Variants in ATP6V0A4 observed in about 807,000 individuals in gnomAD.
ATP6V0A4 encodes the protein ATPase H+ transporting V0 subunit a4.
Under a neutral mutation model 107.3 loss-of-function variants are expected in ATP6V0A4, and 86 were observed. The observed-to-expected ratio is 0.80, with a 90% CI of 0.67 to 0.96. ATP6V0A4 has a LOEUF of 0.96. Ranked by LOEUF, ATP6V0A4 falls within the 40% of genes least tolerant of loss-of-function variation. The pLI, the probability that ATP6V0A4 is intolerant of heterozygous loss-of-function variation, is 0.00. For synonymous variants in ATP6V0A4, 353 were observed against 381.4 expected, an observed-to-expected ratio of 0.93 and a Z score of 0.87; for missense variants, 908 against 1,045.6, an observed-to-expected ratio of 0.87 and a Z score of 1.81.
intron 13 of ATP6V0A4, 58 bp downstream of exon 13, chr7:138,747,367 C>T (rs1806000929): frequency 1.3e-6 from 2 of 1,571,580 alleles, no homozygotes; most frequent in Non-Finnish European, 1.8e-6. Flanking sequence ...GTGAAAACCA[C>T]ATACAGATTT....
intron 5 of ATP6V0A4, among the ~76,000 whole-genome samples, chr7:138,765,464 AG>A (rs759881141): frequency 1.3e-5 from 2 of 152,244 alleles, no homozygotes; most frequent in Non-Finnish European, 2.9e-5. Flanking sequence ...CCTGAAAACA[AG>A]GAAAAGCCAG....
intron 15 of ATP6V0A4, among the ~76,000 whole-genome samples, chr7:138,735,185 C>A (rs1805252519): frequency 6.6e-6 from 1 of 152,104 alleles, no homozygotes; most frequent in Non-Finnish European, 1.5e-5. Flanking sequence ...GGGTCTCACA[C>A]TAGCTAAGGA....
chr7:138,797,849 G>A, intron 1 of ATP6V0A4, 185 bp downstream of exon 1: 1 of 688,964 alleles, frequency 1.5e-6, no homozygotes, highest in Non-Finnish European at 2.4e-6. Flanking sequence ...CAGGGGAGAA[G>A]GGCACAGCTT....
intron 15 of ATP6V0A4, among the ~76,000 whole-genome samples, chr7:138,737,569 TTTTC>T (rs1805404092): frequency 7.8e-6 from 1 of 127,460 alleles, no homozygotes; most frequent in Non-Finnish European, 1.6e-5. Flanking sequence ...CAACTCCCGC[TTTTC>T]TTTTTCTTTT....
chr7:138,797,159 C>T (rs191112160), intron 1 of ATP6V0A4, among the ~76,000 whole-genome samples: 85 of 151,972 alleles, frequency 5.6e-4, no homozygotes, highest in African/African-American at 2.0e-3. Context: ...CCCCTCTCCC[C>T]CTGTCAAAAT....
At chr7:138,769,376 G>T in intron 3 of ATP6V0A4, 125 bp from the exon 4 acceptor site, 1 of 1,411,364 alleles carries the variant, frequency 7.1e-7, no homozygotes, top group Non-Finnish European at 9.4e-7. Flanking sequence ...GGGCAATGGC[G>T]CGATCTCAGC....
chr7:138,745,559 C>G (rs1053544238), intron 13 of ATP6V0A4, among the ~76,000 whole-genome samples: 2 of 150,558 alleles, frequency 1.3e-5, no homozygotes, highest in African/African-American at 4.9e-5. Flanking sequence ...TGCCTGTAAT[C>G]CCAGCTACTT....
At chr7:138,714,280 C>T (rs889885482) in intron 20 of ATP6V0A4, among the ~76,000 whole-genome samples, 4 of 145,706 alleles carry the variant, frequency 2.7e-5, no homozygotes, top group Non-Finnish European at 4.5e-5. Flanking sequence ...GCATATGAAA[C>T]GGATGGGTCT....
chr7:138,756,337 A>G, intron 9 of ATP6V0A4, 121 bp downstream of exon 9: 1 of 1,518,700 alleles, frequency 6.6e-7, no homozygotes, highest in Non-Finnish European at 9.0e-7. Context: ...TTTATGTGAG[A>G]AAGTTATTCT....
chr7:138,766,036 G>A (rs1199650433), intron 5 of ATP6V0A4, among the ~76,000 whole-genome samples: 1 of 152,016 alleles, frequency 6.6e-6, no homozygotes, highest in Non-Finnish European at 1.5e-5. Flanking sequence ...ACAGGCATGA[G>A]CCACCATGGC....
In ATP6V0A4 at chr7:138,709,723, C is replaced by T. The variant is rs866846998; in HGVS notation, c.2330G>A (p.Gly777Glu). The change falls in exon 21 of 22, where the codon GGG (glycine) becomes GAG (glutamate). Residue 777 changes from glycine to glutamate, a missense_variant. Transcript: ENST00000310018. ...AAATACGGCAAAAATAATAAAAACC[C>T]CGACGATTCCTCCCCAGCCTCGCGT... is the stretch of plus-strand genomic sequence containing the variant. The part of the protein sequence containing the change: ...LQTRGWGGIV[G>E]VFIIFAVFAV... The T allele has an allele frequency of 6.2e-7, 1 of 1,613,992 alleles. No individual in the cohort carries two copies. The highest frequency in any genetic ancestry group is 1.1e-5 in the South Asian group (1 of 91,076).
intron 1 of ATP6V0A4, among the ~76,000 whole-genome samples, chr7:138,792,401 C>T (rs546614218): frequency 6.6e-6 from 1 of 152,242 alleles, no homozygotes; most frequent in Non-Finnish European, 1.5e-5. Flanking sequence ...AACATATATT[C>T]AGGGTAACTT....
intron 15 of ATP6V0A4, among the ~76,000 whole-genome samples, chr7:138,737,892 G>C (rs1336193076): frequency 1.3e-5 from 2 of 151,706 alleles, no homozygotes; most frequent in African/African-American, 4.8e-5. Flanking sequence ...CTCCCAAGTA[G>C]CTGGGACTAC....
intron 20 of ATP6V0A4, among the ~76,000 whole-genome samples, chr7:138,715,389 C>T (rs1304313423): frequency 1.3e-5 from 2 of 152,018 alleles, no homozygotes; most frequent in East Asian, 3.9e-4. Context: ...TCAGTAGAGA[C>T]GGGTTTCACC....
At chr7:138,732,851 TAAAA>T in intron 17 of ATP6V0A4, 22 bp downstream of exon 17, 1 of 1,398,122 alleles carries the variant, frequency 7.2e-7, no homozygotes, top group South Asian at 1.3e-5. Context: ...AAAAGAAGAG[TAAAA>T]AAAAAAAAAT....
At chr7:138,784,472 C>T (rs1203781074) in intron 2 of ATP6V0A4, among the ~76,000 whole-genome samples, 1 of 151,366 alleles carries the variant, frequency 6.6e-6, no homozygotes, top group Admixed American at 6.6e-5. Context: ...ACACCCACCA[C>T]CACACCCAGC....
In ATP6V0A4 at chr7:138,739,336, A is replaced by C. The variant is rs543211509; in HGVS notation, c.1572+204T>G. 4.6e-4 allele frequency among the ~76,000 whole-genome samples: 70 copies of C among 152,290 alleles called. 1 individual carries two copies. Among genetic ancestry groups the C allele is most frequent in the African/African-American group, 1.7e-3 (69 of 41,556 alleles). ...AAGAGGCAGACGTTTGGGGGACTGT[A>C]TGGAAAATGGGGCTGGGTAGAAGGT... On this transcript the variant is annotated intron_variant, in intron 15 of 21. Coordinates refer to ENST00000310018, the MANE Select transcript of ATP6V0A4 (RefSeq NM_020632.3).
chr7:138,741,803 A>G (rs1356795333), intron 14 of ATP6V0A4, among the ~76,000 whole-genome samples: 6 of 152,234 alleles, frequency 3.9e-5, no homozygotes, highest in African/African-American at 1.4e-4. Context: ...TCAACCATCA[A>G]GGAAGCAGGT....
At chr7:138,770,225 G>T (rs1411177890) in intron 3 of ATP6V0A4, among the ~76,000 whole-genome samples, 1 of 150,346 alleles carries the variant, frequency 6.7e-6, no homozygotes, top group African/African-American at 2.4e-5. Context: ...GAAAGGAAAA[G>T]AAAAGAAAAA....
Sources: allele counts gnomAD v4.1 joint callset (sites outside exome capture counted in the v4.1 genomes callset), GRCh38; gene constraint gnomAD v4.1.1; transcripts MANE v1.5; gene names NCBI Gene and HGNC (gene_info 2026-07-23, HGNC 2026-07-21).